The following WDPCP variants were observed in gnomAD, a reference collection of about 807,000 sequenced individuals.
WDPCP encodes the protein WD repeat containing planar cell polarity effector, also known as WD repeat-containing and planar cell polarity effector protein fritz homolog.
In WDPCP, 71 loss-of-function variants were observed where a neutral mutation model predicts 93.1. The observed-to-expected ratio is 0.76, with a 90% CI of 0.63 to 0.93. WDPCP has a LOEUF of 0.93. Among genes scored for constraint, WDPCP ranks in the 40% least tolerant of loss-of-function variants. WDPCP has a pLI of 0.00. For missense variants in WDPCP, 844 were observed against 887.4 expected, an observed-to-expected ratio of 0.95 and a Z score of 0.62; for synonymous variants, 315 against 315.0, an observed-to-expected ratio of 1.00 and a Z score of 0.00.
At chr2:63,159,836 G>C (rs1672528079) in intron 15 of WDPCP, among the ~76,000 whole-genome samples, 1 of 152,152 alleles carries the variant, frequency 6.6e-6, no homozygotes, top group Non-Finnish European at 1.5e-5. Flanking sequence ...GTTAGAATCA[G>C]ATCCACACAT....
intron 3 of WDPCP, among the ~76,000 whole-genome samples, chr2:63,612,523 G>A (rs565216163): frequency 6.6e-6 from 1 of 152,244 alleles, no homozygotes; most frequent in African/African-American, 2.4e-5. Context: ...TCTCTCCTAG[G>A]GAAGTTTCAT....
chr2:63,300,256 G>A (rs745378853), intron 13 of WDPCP, among the ~76,000 whole-genome samples: 56 of 152,012 alleles, frequency 3.7e-4, no homozygotes, highest in Non-Finnish European at 6.5e-4. Flanking sequence ...TTTTCCTGGT[G>A]CATGACAATG....
At chr2:63,752,156 C>G (rs1669891924) in intron 2 of WDPCP, 3 of 625,762 alleles carry the variant, frequency 4.8e-6, no homozygotes, top group Non-Finnish European at 8.7e-6. Context: ...ACAATTTTAT[C>G]CACGGAGTCA....
At chr2:63,144,111 A>C (rs1671289825) in intron 17 of WDPCP, among the ~76,000 whole-genome samples, 1 of 151,934 alleles carries the variant, frequency 6.6e-6, no homozygotes, top group African/African-American at 2.4e-5. Flanking sequence ...GTAATCCCAG[A>C]CTTCTTCATG....
At chr2:63,603,867 G>C (rs572186854) in intron 3 of WDPCP, among the ~76,000 whole-genome samples, 3 of 152,134 alleles carry the variant, frequency 2.0e-5, no homozygotes, top group Non-Finnish European at 2.9e-5. Context: ...ATGTTGGTCA[G>C]GCTGGTCTCG....
chr2:63,589,620 T>C (rs149315414), upstream of WDPCP, among the ~76,000 whole-genome samples: 15 of 152,358 alleles, frequency 9.8e-5, no homozygotes, highest in South Asian at 2.9e-3. Context: ...CCAGGATATA[T>C]TGAAGTGACA....
At chr2:63,433,196 T>A (rs893499976) in intron 9 of WDPCP, among the ~76,000 whole-genome samples, 12 of 152,202 alleles carry the variant, frequency 7.9e-5, no homozygotes, top group African/African-American at 2.7e-4. Flanking sequence ...TCCTTAAATA[T>A]CCTTGCGCCA....
intron 1 of WDPCP, among the ~76,000 whole-genome samples, chr2:63,507,981 G>A (rs748512274): frequency 2.0e-5 from 3 of 152,172 alleles, no homozygotes; most frequent in Non-Finnish European, 2.9e-5. Context: ...AAAGTGATGG[G>A]GAGAATGGGA....
intron 14 of WDPCP, chr2:63,229,915 A>C (rs1015989532): frequency 6.3e-6 from 1 of 159,248 alleles, no homozygotes; most frequent in African/African-American, 2.4e-5. Context: ...AAGACAAAAA[A>C]AATAAGCGTA....
chr2:63,327,524 C>T (rs1257952621), intron 12 of WDPCP, among the ~76,000 whole-genome samples: 1 of 152,152 alleles, frequency 6.6e-6, no homozygotes, highest in Non-Finnish European at 1.5e-5. Flanking sequence ...CAGTGACTCT[C>T]CAAAACCCCC....
intron 14 of WDPCP, among the ~76,000 whole-genome samples, chr2:63,214,984 A>C (rs1677189454): frequency 6.6e-6 from 1 of 152,224 alleles, no homozygotes; most frequent in African/African-American, 2.4e-5. Flanking sequence ...GGACACAAAC[A>C]AATGGAAGAA....
At chr2:63,563,182 T>C (rs952995423) in intron 1 of WDPCP, among the ~76,000 whole-genome samples, 1 of 152,094 alleles carries the variant, frequency 6.6e-6, no homozygotes, top group African/African-American at 2.4e-5. Flanking sequence ...AGTTTTAACA[T>C]AACTCCATCA....
At chr2:63,362,066 T>C (rs1277570026) in intron 12 of WDPCP, among the ~76,000 whole-genome samples, 2 of 152,190 alleles carry the variant, frequency 1.3e-5, no homozygotes, top group Admixed American at 6.6e-5. Flanking sequence ...TTTCTTTGTG[T>C]TGGGAATGTT....
chr2:63,458,122 CAA>C (rs1225404392), intron 6 of WDPCP, among the ~76,000 whole-genome samples: 26 of 56,412 alleles, frequency 4.6e-4, no homozygotes, highest in East Asian at 1.1e-3. Flanking sequence ...GACTCCGTCT[CAA>C]AAAAAAAAAA....
At chr2:63,575,311 T>C (rs568403683) in intron 1 of WDPCP, among the ~76,000 whole-genome samples, 44 of 144,738 alleles carry the variant, frequency 3.0e-4, no homozygotes, top group African/African-American at 1.1e-3. Flanking sequence ...ATATATAGTA[T>C]GTACATATAT....
At chr2:63,329,950 A>G (rs1687854732) in intron 12 of WDPCP, among the ~76,000 whole-genome samples, 1 of 152,180 alleles carries the variant, frequency 6.6e-6, no homozygotes, top group Admixed American at 6.5e-5. Context: ...ATAATATTCC[A>G]TTATATAGAT....
intron 14 of WDPCP, chr2:63,229,511 G>T (rs948820556): frequency 3.9e-5 from 6 of 152,136 alleles, no homozygotes; most frequent in Non-Finnish European, 8.8e-5. Context: ...CCTTGCCCAT[G>T]CCTGTGTCCT....
rs765791542 is a variant in WDPCP, at chr2:63,404,035, T to C, written c.1435+13A>G. 1 of 1,614,016 alleles carries C rather than the reference T, an allele frequency of 6.2e-7. No homozygotes were observed. Among genetic ancestry groups the C allele is most frequent in the South Asian group, 1.1e-5 (1 of 91,088 alleles). ...CATTTTAATTTACTTACTCATCACT[T>C]TCCTTGACTTACCTAGTTTAAACAA... On this transcript the variant is annotated intron_variant, in intron 10 of 17. Coordinates refer to ENST00000272321, the MANE Select transcript of WDPCP (RefSeq NM_015910.7).
At chr2:63,415,515 A>C (rs935004055) in intron 9 of WDPCP, among the ~76,000 whole-genome samples, 15 of 152,210 alleles carry the variant, frequency 9.9e-5, no homozygotes, top group African/African-American at 3.6e-4. Flanking sequence ...TAGGTATTAT[A>C]ATCTGCATTC....
Sources: allele counts gnomAD v4.1 joint callset (sites outside exome capture counted in the v4.1 genomes callset), GRCh38; gene constraint gnomAD v4.1.1; transcripts MANE v1.5; gene names NCBI Gene and HGNC (gene_info 2026-07-23, HGNC 2026-07-21).